PTPRG: variants seen among roughly 807,000 people sequenced by gnomAD.
The protein encoded by PTPRG is receptor-type tyrosine-protein phosphatase gamma.
In PTPRG, 102 loss-of-function variants were observed where a neutral mutation model predicts 165.3. The ratio of observed to expected loss-of-function variants is 0.62; its 90% CI spans 0.53 to 0.73. The LOEUF is 0.73. PTPRG is among the 30% of genes least tolerant of loss of function. PTPRG has a pLI of 0.00. For missense variants in PTPRG, 1,866 were observed against 1,861.4 expected (o/e 1.00, Z -0.05); for synonymous variants, 675 against 669.5 (o/e 1.01, Z -0.13).
intron 3 of PTPRG, among the ~76,000 whole-genome samples, chr3:61,995,768 CTTCTTT>C (rs1304323496): frequency 2.9e-5 from 4 of 135,868 alleles, no homozygotes; most frequent in African/African-American, 8.1e-5. Context: ...TCCCTCCCTC[CTTCTTT>C]TTCTTTTTCT....
In PTPRG at chr3:61,935,482, A is replaced by G. The variant is rs574378549; in HGVS notation, c.191-54143A>G. Among the ~76,000 whole-genome samples the G allele has an allele frequency of 3.9e-5, 6 of 152,298 alleles. No individual in the cohort carries two copies. The East Asian group carries it at 1.2e-3, about 29-fold the overall frequency. ...ATATTAAACAAACTTCATGGCAGGC[A>G]GAAGAAAGGAACTTTCTTGATCTTT... is the stretch of plus-strand genomic sequence containing the variant. On this transcript the variant is annotated intron_variant, in intron 2 of 29. Transcript: ENST00000474889.
chr3:61,852,394 C>T (rs1383427057), intron 2 of PTPRG, among the ~76,000 whole-genome samples: 5 of 152,196 alleles, frequency 3.3e-5, no homozygotes, highest in Non-Finnish European at 4.4e-5. Context: ...AAGGTGGGTC[C>T]AGTACTTGGA....
intron 2 of PTPRG, among the ~76,000 whole-genome samples, chr3:61,755,228 G>C (rs900136570): frequency 1.3e-5 from 2 of 152,100 alleles, no homozygotes; most frequent in African/African-American, 4.8e-5. Flanking sequence ...GGCTGGTCTC[G>C]AACTCCTGAC....
rs1051925412 is a variant in PTPRG at position 62,222,019 on chromosome 3, C to CT, written c.2288+3037dup. Among the ~76,000 whole-genome samples, 2 of 152,216 alleles carry CT rather than the reference C, an allele frequency of 1.3e-5. No individual in the cohort carries two copies. The highest frequency in any genetic ancestry group is 2.9e-5 in the Non-Finnish European group (2 of 68,036). The stretch of plus-strand genomic sequence containing the variant: ...TCACAACAGATCTGTACGGTAGGTA[C>CT]TATCACTGTCCTTTCTATTTGACCC... On this transcript the variant is annotated intron_variant, in intron 13 of 29. Coordinates refer to ENST00000474889, the MANE Select transcript of PTPRG (RefSeq NM_002841.4). The surrounding 1 kb of genome is among the most constrained non-coding windows in gnomAD (Gnocchi z 4.5).
intron 2 of PTPRG, among the ~76,000 whole-genome samples, chr3:61,859,368 T>G (rs986530932): frequency 6.6e-6 from 1 of 152,168 alleles, no homozygotes; most frequent in Non-Finnish European, 1.5e-5. Flanking sequence ...ACGGTGTTAG[T>G]AAGTCACAGG....
intron 2 of PTPRG, among the ~76,000 whole-genome samples, chr3:61,761,133 G>A (rs2033820649): frequency 6.6e-6 from 1 of 152,180 alleles, no homozygotes; most frequent in Admixed American, 6.5e-5. Context: ...GGATTGCTGG[G>A]TCTAATGGTA....
At chr3:61,927,330 T>C (rs955851224) in intron 2 of PTPRG, among the ~76,000 whole-genome samples, 1 of 152,202 alleles carries the variant, frequency 6.6e-6, no homozygotes, top group Non-Finnish European at 1.5e-5. Flanking sequence ...GCTCTGTGCT[T>C]GCAGTCTTCT....
intron 4 of PTPRG, among the ~76,000 whole-genome samples, chr3:62,017,289 C>G (rs372002617): frequency 1.2e-3 from 182 of 152,272 alleles, no homozygotes; most frequent in Non-Finnish European, 1.5e-5. Context: ...AAAGCAAATC[C>G]TACCCCAAAA....
chr3:62,220,446 G>C (rs537447192), intron 13 of PTPRG, among the ~76,000 whole-genome samples: 1 of 152,264 alleles, frequency 6.6e-6, no homozygotes, highest in East Asian at 1.9e-4. Context: ...CCGTGTAGGT[G>C]GTGAGAATTC....
chr3:61,945,123 C>T (rs1439914099), intron 2 of PTPRG, among the ~76,000 whole-genome samples: 2 of 152,158 alleles, frequency 1.3e-5, no homozygotes, highest in Non-Finnish European at 1.5e-5. Context: ...GTGACCATTG[C>T]ACAGAATATC....
At chr3:61,621,033 G>GTGTA (rs767786792) in intron 1 of PTPRG, among the ~76,000 whole-genome samples, 2 of 130,064 alleles carry the variant, frequency 1.5e-5, no homozygotes, top group Admixed American at 8.3e-5. Flanking sequence ...GTGTGTGTGT[G>GTGTA]TATATATATA....
At chr3:61,888,447 C>A (rs899759418) in intron 2 of PTPRG, among the ~76,000 whole-genome samples, 4 of 152,114 alleles carry the variant, frequency 2.6e-5, no homozygotes, top group Admixed American at 2.6e-4. Context: ...CATTTTCCTG[C>A]CTCAGCCTCC....
chr3:61,589,932 A>AAG (rs1177871545), intron 1 of PTPRG, among the ~76,000 whole-genome samples: 1 of 152,150 alleles, frequency 6.6e-6, no homozygotes, highest in Admixed American at 6.5e-5. Flanking sequence ...TGGCTAGAGC[A>AAG]AGAGACCCAC....
chr3:61,608,715 C>T (rs1022187829), intron 1 of PTPRG, among the ~76,000 whole-genome samples: 5 of 152,144 alleles, frequency 3.3e-5, no homozygotes, highest in Non-Finnish European at 4.4e-5. Flanking sequence ...CAGCATGAGT[C>T]GGCCTGGGAA....
chr3:61,626,024 G>T (rs1038654493), intron 1 of PTPRG, among the ~76,000 whole-genome samples: 1,074 of 99,106 alleles, frequency 0.011, 14 homozygotes, highest in African/African-American at 0.044. Flanking sequence ...TTTTTTTTTT[G>T]GGGGGGCGGG....
chr3:61,671,859 C>A (rs528686453), intron 1 of PTPRG, among the ~76,000 whole-genome samples: 1 of 147,444 alleles, frequency 6.8e-6, no homozygotes, highest in East Asian at 2.0e-4. Flanking sequence ...AGAGGCGCCC[C>A]TCACCTCCCG....
At chr3:61,630,597 T>G (rs1207395994) in intron 1 of PTPRG, among the ~76,000 whole-genome samples, 1 of 152,178 alleles carries the variant, frequency 6.6e-6, no homozygotes, top group Non-Finnish European at 1.5e-5. Context: ...GACTCAACTT[T>G]AGGAATTTTT....
chr3:61,639,673 G>T (rs1249471768), intron 1 of PTPRG, among the ~76,000 whole-genome samples: 1 of 151,964 alleles, frequency 6.6e-6, no homozygotes, highest in East Asian at 1.9e-4. Context: ...TGTGGCTATT[G>T]TAAATGTGAT....
chr3:61,756,968 C>A (rs764515394), intron 2 of PTPRG, among the ~76,000 whole-genome samples: 1 of 152,276 alleles, frequency 6.6e-6, no homozygotes, highest in South Asian at 2.1e-4. Context: ...TCATCCAGCA[C>A]TTCTGCTTCT....
Sources: gnomAD v4.1 joint callset for allele counts (sites outside exome capture counted in the v4.1 genomes callset) on GRCh38, gnomAD v4.1.1 for gene constraint, Gnocchi (gnomAD v3.1) non-coding constraint, MANE v1.5 for transcripts, NCBI Gene and HGNC (gene_info 2026-07-23, HGNC 2026-07-21) for gene names.